The following FMN2 variants were observed in gnomAD, a reference collection of about 807,000 sequenced individuals.
FMN2 encodes the protein formin-2.
Under a neutral mutation model 142.3 loss-of-function variants are expected in FMN2, and 51 were observed. The ratio of observed to expected loss-of-function variants is 0.36; its 90% CI spans 0.29 to 0.45. FMN2 has a LOEUF of 0.45. FMN2 is among the 20% of genes least tolerant of loss of function. The pLI, the probability that FMN2 is intolerant of heterozygous loss-of-function variation, is 1.00. For synonymous variants in FMN2, 882 were observed against 869.8 expected (o/e 1.01, Z -0.25); for missense variants, 1,936 against 2,122.8 (o/e 0.91, Z 1.73).
chr1:240,438,125 A>C lies in FMN2; in HGVS notation c.4975A>C (p.Asn1659His). Reference protein sequence around the residue: ...PKLGEKEVSPNAFFSIWHEFS... With the variant: ...PKLGEKEVSPHAFFSIWHEFS... ...ACTTGGAGAGAAGGAGGTGTCCCCA[A>C]ATGCTTTCTTCAGTATCTGGCATGA... Residue 1659 changes from asparagine (N) to histidine (H), a missense_variant, in exon 16 of 18, where the codon AAT (asparagine) becomes CAT (histidine). Physicochemically the swap from Asn to His is moderately conservative, Grantham distance 68. Coordinates refer to ENST00000319653, the MANE Select transcript of FMN2 (RefSeq NM_020066.5). 1 of 1,614,176 alleles carries C rather than the reference A, an allele frequency of 6.2e-7. No homozygotes were observed. The highest frequency in any genetic ancestry group is 8.5e-7 in the Non-Finnish European group (1 of 1,180,024).
intron 15 of FMN2, among the ~76,000 whole-genome samples, chr1:240,421,557 CT>C (rs1233528877): frequency 6.6e-6 from 1 of 152,102 alleles, no homozygotes; most frequent in Non-Finnish European, 1.5e-5. Flanking sequence ...AAAAACTATT[CT>C]TTCTCCATTG....
At chr1:240,432,919 C>T (rs1035022023) in intron 15 of FMN2, among the ~76,000 whole-genome samples, 1 of 152,048 alleles carries the variant, frequency 6.6e-6, no homozygotes, top group Non-Finnish European at 1.5e-5. Context: ...TTGAATATTT[C>T]ATGTTCTCGT....
intron 16 of FMN2, among the ~76,000 whole-genome samples, chr1:240,467,511 C>T (rs1456837905): frequency 6.6e-6 from 1 of 152,054 alleles, no homozygotes; most frequent in Middle Eastern, 3.2e-3. Context: ...TGTGATCCAC[C>T]CTCCTCAGCC....
At chr1:240,345,830 C>G (rs1471945862) in intron 13 of FMN2, among the ~76,000 whole-genome samples, 1 of 152,122 alleles carries the variant, frequency 6.6e-6, no homozygotes, top group Non-Finnish European at 1.5e-5. Context: ...TGACCCAGCA[C>G]TTGGCCCCTA....
intron 15 of FMN2, among the ~76,000 whole-genome samples, chr1:240,398,302 C>A (rs1311395462): frequency 1.3e-5 from 2 of 152,152 alleles, no homozygotes; most frequent in African/African-American, 4.8e-5. Context: ...CCGTGCCTGG[C>A]CGGCGACATC....
At chr1:240,367,570 C>T (rs1672715554) in intron 14 of FMN2, among the ~76,000 whole-genome samples, 1 of 151,748 alleles carries the variant, frequency 6.6e-6, no homozygotes, top group Non-Finnish European at 1.5e-5. Flanking sequence ...AGATCGAGAC[C>T]ATCCTGGCTA....
At chr1:240,226,192 G>A (rs1667291229) in intron 6 of FMN2, among the ~76,000 whole-genome samples, 1 of 152,050 alleles carries the variant, frequency 6.6e-6, no homozygotes, top group South Asian at 2.1e-4. Context: ...CATCCAAGAA[G>A]TTCAATGAAT....
In FMN2 at chr1:240,123,179, G is replaced by T; in HGVS notation, c.1616G>T (p.Gly539Val). 6.2e-7 allele frequency: 1 copy of T among 1,614,062 alleles called. No individual in the cohort carries two copies. The highest frequency in any genetic ancestry group is 8.5e-7 in the Non-Finnish European group (1 of 1,180,008). ...AADGFQNVFT[G>V]RTLLEKLFSQ... ...CTTAATGACTGTGTTTCATCTGCAG[G>T]GCGAACGCTGTTGGAGAAGCTGTTC... is the stretch of plus-strand genomic sequence containing the variant. Residue 539 changes from glycine (G) to valine (V), a missense_variant and splice_region_variant, in exon 2 of 18, where the codon GGG becomes GTG. Physicochemically the swap from Gly to Val is moderately radical, Grantham distance 109 (BLOSUM62 -3). This residue lies in a region of FMN2 where 751 missense variants were observed against 791.8 expected (regional missense o/e 0.95). Transcript: ENST00000319653.
At chr1:240,411,944 G>T (rs1309519749) in intron 15 of FMN2, among the ~76,000 whole-genome samples, 1 of 152,200 alleles carries the variant, frequency 6.6e-6, no homozygotes, top group Non-Finnish European at 1.5e-5. Flanking sequence ...GATGTGGCAG[G>T]CGGCTGAACT....
intron 15 of FMN2, among the ~76,000 whole-genome samples, chr1:240,421,663 G>A (rs1466159141): frequency 6.6e-6 from 1 of 151,972 alleles, no homozygotes; most frequent in African/African-American, 2.4e-5. Context: ...AATTTTTCTT[G>A]TTTCATTTTT....
At chr1:240,203,972 G>GA (rs1666228741) in intron 4 of FMN2, among the ~76,000 whole-genome samples, 1 of 150,666 alleles carries the variant, frequency 6.6e-6, no homozygotes, top group Non-Finnish European at 1.5e-5. Context: ...AGATGTTGGT[G>GA]AAAAATAATG....
intron 13 of FMN2, among the ~76,000 whole-genome samples, chr1:240,337,419 T>C (rs1204072756): frequency 6.6e-6 from 1 of 152,096 alleles, no homozygotes; most frequent in Non-Finnish European, 1.5e-5. Context: ...GGTTTTGCCA[T>C]GTTGGCCAGG....
rs200157875 is a variant in FMN2, at chr1:240,092,493, C to T, written c.384C>T (p.Ala128=). ...TPDLSLSADE[A]GLSDTECADP... is the part of the protein sequence containing the mutation. ...ACCTCAGCCTCTCGGCGGACGAGGC[C>T]GGCCTGTCGGATACCGAGTGTGCGG... The change falls in exon 1 of 18, where the codon GCC becomes GCT. Residue 128 remains alanine, a synonymous_variant. Transcript: ENST00000319653. 4 of 1,606,980 alleles carry T rather than the reference C, an allele frequency of 2.5e-6. No homozygotes were observed. Among genetic ancestry groups the T allele is most frequent in the East Asian group, 2.2e-5 (1 of 44,560 alleles).
intron 7 of FMN2, among the ~76,000 whole-genome samples, chr1:240,290,737 G>A (rs1669751038): frequency 6.8e-6 from 1 of 147,184 alleles, no homozygotes; most frequent in Non-Finnish European, 1.5e-5. Context: ...TCGTAGACAA[G>A]AATTGTTGTC....
intron 8 of FMN2, 124 bp from the exon 9 acceptor site, chr1:240,328,952 A>G: frequency 1.2e-6 from 1 of 827,900 alleles, no homozygotes; most frequent in Non-Finnish European, 1.9e-6. Flanking sequence ...AGATGCTAAG[A>G]AACATGAAAA....
intron 14 of FMN2, among the ~76,000 whole-genome samples, chr1:240,360,235 G>A (rs185005308): frequency 2.0e-5 from 3 of 152,056 alleles, no homozygotes; most frequent in South Asian, 2.1e-4. Flanking sequence ...TCCATTTACC[G>A]ATGACTCTAA....
intron 2 of FMN2, among the ~76,000 whole-genome samples, chr1:240,125,450 G>A (rs1268584112): frequency 6.6e-6 from 1 of 152,208 alleles, no homozygotes; most frequent in African/African-American, 2.4e-5. Context: ...ACAGGTCTGT[G>A]TTATTGTAGA....
At chr1:240,124,927 A>G (rs1662439548) in intron 2 of FMN2, among the ~76,000 whole-genome samples, 1 of 152,080 alleles carries the variant, frequency 6.6e-6, no homozygotes, top group Non-Finnish European at 1.5e-5. Context: ...CGGCCTCCCA[A>G]AGTGCTGGGA....
chr1:240,249,335 C>T (rs1398141591), intron 6 of FMN2, among the ~76,000 whole-genome samples: 5 of 151,938 alleles, frequency 3.3e-5, no homozygotes, highest in Non-Finnish European at 7.4e-5. Flanking sequence ...ATTTTTCCAG[C>T]ACAATTTATT....
Sources: allele counts gnomAD v4.1 joint callset (sites outside exome capture counted in the v4.1 genomes callset), GRCh38; gene constraint gnomAD v4.1.1; regional missense constraint gnomAD v4.1.1; transcripts MANE v1.5; gene names NCBI Gene and HGNC (gene_info 2026-07-23, HGNC 2026-07-21).